BNC2: variants seen among roughly 807,000 people sequenced by gnomAD.
BNC2 encodes zinc finger protein basonuclin-2.
In BNC2, 20 loss-of-function variants were observed where a neutral mutation model predicts 76.3. That is an observed-to-expected ratio of 0.26 (90% CI 0.18 to 0.38). The LOEUF (loss-of-function observed/expected upper bound fraction) is 0.38, where lower values mean the gene tolerates loss of function less well. Ranked by LOEUF, BNC2 falls within the 10% of genes least tolerant of loss-of-function variation. BNC2 has a pLI of 1.00. For missense variants in BNC2, 1,382 were observed against 1,399.8 expected, an observed-to-expected ratio of 0.99 and a Z score of 0.20; for synonymous variants, 582 against 514.8, an observed-to-expected ratio of 1.13 and a Z score of -1.77.
intron 1 of BNC2, chr9:16,775,514 T>G (rs1825941891): frequency 6.6e-6 from 1 of 152,668 alleles, no homozygotes; most frequent in Non-Finnish European, 1.5e-5. Flanking sequence ...AACCAGGGTA[T>G]CAGTTTCATT....
intron 5 of BNC2, among the ~76,000 whole-genome samples, chr9:16,546,815 C>T (rs1369736008): frequency 1.3e-5 from 2 of 152,174 alleles, no homozygotes; most frequent in African/African-American, 4.8e-5. Flanking sequence ...ATATTACATT[C>T]TGGAAAGACA....
intron 1 of BNC2, among the ~76,000 whole-genome samples, chr9:16,810,315 T>C (rs528350655): frequency 6.6e-6 from 1 of 152,282 alleles, no homozygotes; most frequent in South Asian, 2.1e-4. Flanking sequence ...GAAGCTGAGG[T>C]GAGACACAAG....
chr9:16,477,278 A>C (rs1452512908), intron 5 of BNC2, among the ~76,000 whole-genome samples: 1 of 152,174 alleles, frequency 6.6e-6, no homozygotes, highest in African/African-American at 2.4e-5. Context: ...AAAATTTTAA[A>C]ACTATCATGC....
At chr9:16,798,105 T>C (rs1817700009) in intron 1 of BNC2, among the ~76,000 whole-genome samples, 1 of 152,174 alleles carries the variant, frequency 6.6e-6, no homozygotes, top group Non-Finnish European at 1.5e-5. Context: ...GAAGGAAAAG[T>C]TGGTTGTTAC....
At chr9:16,849,318 A>C (rs926605013) in intron 1 of BNC2, among the ~76,000 whole-genome samples, 4 of 151,814 alleles carry the variant, frequency 2.6e-5, no homozygotes, top group Non-Finnish European at 5.9e-5. Flanking sequence ...TTAACAATAA[A>C]ATGATTCCTA....
At chr9:16,475,131 A>C (rs575371959) in intron 5 of BNC2, among the ~76,000 whole-genome samples, 1 of 152,316 alleles carries the variant, frequency 6.6e-6, no homozygotes, top group African/African-American at 2.4e-5. Flanking sequence ...TCGTGAAAAT[A>C]GCAGAGAATC....
At chr9:16,594,930 G>T (rs1354911776) in intron 3 of BNC2, among the ~76,000 whole-genome samples, 1 of 152,094 alleles carries the variant, frequency 6.6e-6, no homozygotes, top group Non-Finnish European at 1.5e-5. Flanking sequence ...CCAAATAGGA[G>T]ATGTGAACAA....
chr9:16,644,498 A>C (rs995151178), intron 3 of BNC2, among the ~76,000 whole-genome samples: 3 of 152,170 alleles, frequency 2.0e-5, no homozygotes. Flanking sequence ...AACTCGGTGC[A>C]TTCTAGATAT....
chr9:16,795,364 T>C (rs2135705528), intron 1 of BNC2, among the ~76,000 whole-genome samples: 1 of 146,050 alleles, frequency 6.8e-6, no homozygotes, highest in South Asian at 2.2e-4. Context: ...AAATGATGAC[T>C]GCTAACTGCT....
At chr9:16,686,824 C>T (rs1822991984) in intron 3 of BNC2, among the ~76,000 whole-genome samples, 2 of 152,164 alleles carry the variant, frequency 1.3e-5, no homozygotes, top group African/African-American at 4.8e-5. Flanking sequence ...AAAAGGTACT[C>T]GGTCAACGCT....
At chr9:16,572,404 A>T (rs954133826) in intron 4 of BNC2, among the ~76,000 whole-genome samples, 1 of 152,186 alleles carries the variant, frequency 6.6e-6, no homozygotes, top group Non-Finnish European at 1.5e-5. Flanking sequence ...TTAAAATGGG[A>T]AGAGGCTGCT....
At chr9:16,635,797 A>G (rs1290110601) in intron 3 of BNC2, among the ~76,000 whole-genome samples, 3 of 152,228 alleles carry the variant, frequency 2.0e-5, no homozygotes, top group African/African-American at 7.2e-5. Flanking sequence ...AGAGGCCATA[A>G]TCAGTTTTTA....
At chr9:16,598,186 G>C (rs1014436390) in intron 3 of BNC2, among the ~76,000 whole-genome samples, 3 of 152,122 alleles carry the variant, frequency 2.0e-5, no homozygotes, top group African/African-American at 7.2e-5. Flanking sequence ...AAATCTGCTA[G>C]ACTGCTAAGA....
chr9:16,457,753 T>A (rs989501800), intron 5 of BNC2, among the ~76,000 whole-genome samples: 1 of 152,150 alleles, frequency 6.6e-6, no homozygotes, highest in Non-Finnish European at 1.5e-5. Flanking sequence ...TTTCATCAGG[T>A]GAGGAAATGG....
Position 16,435,687 on chromosome 9 carries a change from T to C in BNC2, c.2507A>G (p.Tyr836Cys), listed in dbSNP as rs768551362. The C allele has an allele frequency of 1.1e-5, 18 of 1,614,164 alleles. No individual in the cohort carries two copies. The highest frequency in any genetic ancestry group is 1.5e-5 in the Non-Finnish European group (18 of 1,180,034). ...LCSSPDPKICYVCKKSFKSSY... is the reference protein window; with the variant it reads ...LCSSPDPKICCVCKKSFKSSY... ...GCTTTTGAAACTCTTCTTGCACACA[T>C]AACAGATTTTGGGGTCTGGGCTAGA... The change falls in exon 6 of 7, where the codon TAT becomes TGT. Residue 836 changes from tyrosine (Y) to cysteine (C), a missense_variant. Tyr to Cys is a radical substitution (Grantham distance 194). Around this residue, in one of 3 missense-constraint regions of BNC2, gnomAD observed 798 missense variants for 775.5 expected, o/e 1.03. Transcript: ENST00000380672.
chr9:16,760,037 T>G (rs967487785), intron 1 of BNC2, among the ~76,000 whole-genome samples: 1 of 152,166 alleles, frequency 6.6e-6, no homozygotes, highest in Non-Finnish European at 1.5e-5. Flanking sequence ...ACAGAAACTC[T>G]TACGAGCTAA....
chr9:16,570,807 T>C (rs981549120), intron 4 of BNC2, among the ~76,000 whole-genome samples: 5 of 152,154 alleles, frequency 3.3e-5, no homozygotes, highest in African/African-American at 7.2e-5. Context: ...ATTTAGACCA[T>C]TGGCAAAACG....
At chr9:16,771,749 T>G (rs955321757) in intron 1 of BNC2, among the ~76,000 whole-genome samples, 6 of 152,208 alleles carry the variant, frequency 3.9e-5, no homozygotes, top group Non-Finnish European at 5.9e-5. Context: ...ATTTAACACT[T>G]TCTTCAATTT....
chr9:16,469,504 G>C (rs1341350921), intron 5 of BNC2, among the ~76,000 whole-genome samples: 1 of 152,210 alleles, frequency 6.6e-6, no homozygotes, highest in Non-Finnish European at 1.5e-5. Flanking sequence ...ATGGGGAACT[G>C]TAAGTCCAAT....
Sources: gnomAD v4.1 joint callset for allele counts (sites outside exome capture counted in the v4.1 genomes callset) on GRCh38, gnomAD v4.1.1 for gene constraint, gnomAD v4.1.1 regional missense constraint, MANE v1.5 for transcripts, NCBI Gene and HGNC (gene_info 2026-07-23, HGNC 2026-07-21) for gene names.